Variants in PTPRT observed in about 807,000 individuals in gnomAD.
The protein encoded by PTPRT is protein tyrosine phosphatase receptor type T.
A neutral mutation model predicts 176.8 loss-of-function variants in PTPRT; 56 were observed. The observed-to-expected ratio is 0.32, with a 90% CI of 0.26 to 0.40. The LOEUF is 0.40. PTPRT is among the 10% of genes least tolerant of loss of function. The pLI is 1.00. For missense variants in PTPRT, 1,540 were observed against 1,908.2 expected (o/e 0.81, Z 3.60); for synonymous variants, 783 against 739.0 (o/e 1.06, Z -0.96).
intron 7 of PTPRT, among the ~76,000 whole-genome samples, chr20:42,665,160 G>A (rs1426965934): frequency 6.6e-6 from 1 of 151,796 alleles, no homozygotes; most frequent in Non-Finnish European, 1.5e-5. Context: ...GAGTGAACAG[G>A]CAACCTACAG....
chr20:42,354,958 G>C (rs978527385), intron 9 of PTPRT, among the ~76,000 whole-genome samples: 3 of 152,114 alleles, frequency 2.0e-5, no homozygotes, highest in Admixed American at 6.5e-5. Context: ...ACCTGAGTGT[G>C]CATGTGCACC....
At chr20:42,799,728 TC>T (rs1470839549) in intron 2 of PTPRT, among the ~76,000 whole-genome samples, 1 of 152,212 alleles carries the variant, frequency 6.6e-6, no homozygotes, top group African/African-American at 2.4e-5. Context: ...CTTCACCTCT[TC>T]CTATGCACCC....
chr20:42,424,993 TC>T (rs2059150362), intron 9 of PTPRT, among the ~76,000 whole-genome samples: 1 of 151,910 alleles, frequency 6.6e-6, no homozygotes, highest in Non-Finnish European at 1.5e-5. Flanking sequence ...TTTCTATATT[TC>T]TTTGACATTA....
chr20:42,318,051 G>A (rs1382235213), intron 11 of PTPRT, among the ~76,000 whole-genome samples: 10 of 152,174 alleles, frequency 6.6e-5, no homozygotes, highest in Admixed American at 3.3e-4. Context: ...TCAGATGAAC[G>A]TGGCTAACCT....
chr20:42,850,409 A>C (rs1194133795), intron 2 of PTPRT, among the ~76,000 whole-genome samples: 1 of 152,218 alleles, frequency 6.6e-6, no homozygotes, highest in African/African-American at 2.4e-5. Flanking sequence ...AACTAAGGAA[A>C]ATCAGGCCCA....
the PTPRT span, among the ~76,000 whole-genome samples, chr20:42,053,130 C>T: frequency 6.6e-6 from 1 of 152,092 alleles, no homozygotes; most frequent in African/African-American, 2.4e-5. Context: ...GAGCTTGGGA[C>T]CTGAGAATAA....
intron 13 of PTPRT, among the ~76,000 whole-genome samples, chr20:42,273,081 C>T (rs1056140361): frequency 2.6e-5 from 4 of 152,164 alleles, no homozygotes; most frequent in African/African-American, 9.7e-5. Context: ...CCTTATTGGA[C>T]TTATATTTAT....
chr20:42,099,557 G>C lies in PTPRT; in HGVS notation c.3715-1005C>G, dbSNP rs1290784674. The stretch of plus-strand genomic sequence containing the variant: ...GAAAATGGCCTGGGCGGGGGGGGGG[G>C]GGGTGGGGTGGTCTGGCAGCTTCAT... On this transcript the variant is annotated intron_variant, in intron 26 of 30. Coordinates refer to ENST00000373187, the MANE Select transcript of PTPRT (RefSeq NM_007050.6). Among the ~76,000 whole-genome samples, 42 of 42,898 alleles carry C rather than the reference G, an allele frequency of 9.8e-4. 4 individuals are homozygous for C. The East Asian group carries it at 0.024, about 25-fold the overall frequency. 28.1% of individuals were successfully genotyped at this position (42,898 alleles called of 152,430 possible).
At chr20:42,603,195 C>A (rs1036989015) in intron 7 of PTPRT, among the ~76,000 whole-genome samples, 2 of 152,022 alleles carry the variant, frequency 1.3e-5, no homozygotes, top group Non-Finnish European at 2.9e-5. Flanking sequence ...ACAATCAGCG[C>A]AAGAAGACAA....
chr20:42,158,964 A>C (rs912897283), intron 17 of PTPRT, among the ~76,000 whole-genome samples: 3 of 152,234 alleles, frequency 2.0e-5, no homozygotes, highest in Non-Finnish European at 2.9e-5. Flanking sequence ...GCAACTCACC[A>C]CACAGGGATG....
At chr20:43,152,959 A>C (rs6073003) in intron 1 of PTPRT, among the ~76,000 whole-genome samples, 20,774 of 152,132 alleles carry the variant, frequency 0.14, 1,862 homozygotes, top group Non-Finnish European at 0.17. Context: ...CTACATTTTT[A>C]CCCTTCAACC....
rs542779877 is a variant in PTPRT at position 43,060,632 on chromosome 20, A to G, written c.88+129014T>C. ...TACATACTTTGCATGGTTATTGTGA[A>G]GATTGAATGAAATAATTTATACAAA... On this transcript the variant is annotated intron_variant, in intron 1 of 30. Transcript: ENST00000373187. Among the ~76,000 whole-genome samples the G allele has an allele frequency of 2.6e-5, 4 of 152,352 alleles. No homozygotes were observed. In the East Asian group the frequency reaches 5.8e-4, roughly 22 times the overall value.
chr20:42,793,002 C>T (rs2077399362), intron 2 of PTPRT, among the ~76,000 whole-genome samples: 1 of 152,176 alleles, frequency 6.6e-6, no homozygotes, highest in African/African-American at 2.4e-5. Context: ...AACCACCATG[C>T]AGAGCAGGCG....
chr20:43,013,244 T>C (rs772095789), intron 1 of PTPRT, among the ~76,000 whole-genome samples: 2 of 152,124 alleles, frequency 1.3e-5, no homozygotes, highest in Non-Finnish European at 2.9e-5. Flanking sequence ...CTACAGAACC[T>C]GAGCTAACGA....
rs2015498435 is a variant in PTPRT at position 43,189,873 on chromosome 20, C to G, written c.-140G>C. The G allele has an allele frequency of 4.2e-6, 1 of 238,944 alleles. No individual in the cohort carries two copies. The highest frequency in any genetic ancestry group is 6.7e-6 in the Non-Finnish European group (1 of 149,252). 14.8% of individuals were successfully genotyped at this position (238,944 alleles called of 1,614,324 possible). On this transcript the variant is annotated 5_prime_UTR_variant, in exon 1 of 31. Coordinates refer to ENST00000373187, the MANE Select transcript of PTPRT (RefSeq NM_007050.6). The surrounding 1 kb of genome is among the most constrained non-coding windows in gnomAD (Gnocchi z 5.0). Reference sequence around the variant, plus strand: ...TCCGCTCGGGCTCCCGGAGCCGGCGCTCCTGCGTTCCAAGCCGAGGCGCGG... The same window carrying G: ...TCCGCTCGGGCTCCCGGAGCCGGCGGTCCTGCGTTCCAAGCCGAGGCGCGG...
intron 7 of PTPRT, among the ~76,000 whole-genome samples, chr20:42,475,360 C>T (rs2071271394): frequency 1.3e-5 from 2 of 152,166 alleles, no homozygotes; most frequent in South Asian, 4.2e-4. Flanking sequence ...GTTGCACTCT[C>T]TATGTTGAAA....
intron 13 of PTPRT, among the ~76,000 whole-genome samples, chr20:42,278,551 C>A (rs574656823): frequency 2.0e-5 from 3 of 152,102 alleles, no homozygotes; most frequent in African/African-American, 7.2e-5. Context: ...AGAAAGGAGT[C>A]ACGGAAGAAT....
chr20:42,212,033 A>C (rs1310288897), intron 15 of PTPRT, among the ~76,000 whole-genome samples: 1 of 109,986 alleles, frequency 9.1e-6, no homozygotes, highest in African/African-American at 3.0e-5. Flanking sequence ...CATTCTCAGT[A>C]AACTATCACA....
intron 1 of PTPRT, among the ~76,000 whole-genome samples, chr20:42,974,470 C>T (rs528173600): frequency 2.0e-5 from 3 of 152,142 alleles, no homozygotes; most frequent in African/African-American, 4.8e-5. Context: ...TCAGTGCACG[C>T]GCGCACACAC....
Sources: allele counts gnomAD v4.1 joint callset (sites outside exome capture counted in the v4.1 genomes callset), GRCh38; gene constraint gnomAD v4.1.1; non-coding constraint Gnocchi (gnomAD v3.1); transcripts MANE v1.5; gene names NCBI Gene and HGNC (gene_info 2026-07-23, HGNC 2026-07-21).